OXNAD1: variants seen among roughly 807,000 people sequenced by gnomAD.
OXNAD1 encodes the protein oxidoreductase NAD-binding domain-containing protein 1.
OXNAD1 carries 34 observed loss-of-function variants against 32.9 expected under a neutral mutation model. The ratio of observed to expected loss-of-function variants is 1.03; its 90% CI spans 0.79 to 1.38. The LOEUF is 1.38. OXNAD1 is among the 40% of genes most tolerant of loss of function. The pLI is 0.00. For missense variants in OXNAD1, 407 were observed against 379.4 expected (o/e 1.07, Z -0.60); for synonymous variants, 134 against 135.2 (o/e 0.99, Z 0.06).
rs564972629 is a variant in OXNAD1 at position 16,344,077 on chromosome 3, G to A, written c.*31-5099G>A. 1.1e-4 allele frequency among the ~76,000 whole-genome samples: 17 copies of A among 152,232 alleles called. No homozygotes were observed. The highest frequency in any genetic ancestry group is 4.1e-4 in the African/African-American group (17 of 41,460). Reference sequence around the variant, plus strand: ...AGCCCAGAGCACTTGGAGGGAAGCAGTAGAGACATTCTTGGCCTGTATTAA... The same window carrying A: ...AGCCCAGAGCACTTGGAGGGAAGCAATAGAGACATTCTTGGCCTGTATTAA... On this transcript the variant is annotated intron_variant, in intron 9 of 9. Coordinates refer to the OXNAD1 transcript ENST00000606098. This position sits in a 1 kb window ranked among gnomAD's most constrained non-coding sequence, Gnocchi z 4.4.
rs940498891 is a variant in OXNAD1 at position 16,295,105 on chromosome 3, G to A, written c.432+108G>A. 4.6e-6 allele frequency: 6 copies of A among 1,291,382 alleles called. No homozygotes were observed. In the Admixed American group the frequency reaches 1.3e-4, roughly 29 times the overall value. The allele number at this position is 1,291,382 out of a possible 1,614,324, so 80.0% of individuals were successfully genotyped here. ...TAAGAAACCTGGGCTTGAGTAAAAG[G>A]GTACATGCCCAGAAAGAGCTTCTAA... is the stretch of plus-strand genomic sequence containing the variant. On this transcript the variant is annotated intron_variant, in intron 6 of 8. Transcript: ENST00000285083.
rs928723359 is a variant in OXNAD1, at chr3:16,305,743, C to G, written c.*2181C>G. ...ACCTTGAGCAAGTCACTTAACTGCT[C>G]TATGCCTCATTTAAAATTACATACA... On this transcript the variant is annotated 3_prime_UTR_variant, in exon 9 of 9. Transcript: ENST00000285083. The surrounding 1 kb of genome is among the most constrained non-coding windows in gnomAD (Gnocchi z 4.5). The G allele has an allele frequency of 1.1e-4, 16 of 152,198 alleles. No homozygotes were observed. The highest frequency in any genetic ancestry group is 3.6e-4 in the African/African-American group (15 of 41,444). 9.4% of individuals were successfully genotyped at this position (152,198 alleles called of 1,614,324 possible).
At chr3:16,311,738 C>T (rs1464309348) in intron 9 of OXNAD1, among the ~76,000 whole-genome samples, 2 of 152,036 alleles carry the variant, frequency 1.3e-5, no homozygotes, top group Non-Finnish European at 2.9e-5. Flanking sequence ...CTAGCCTCTG[C>T]AGCATCTCTG....
Position 16,298,268 on chromosome 3 carries a change from A to G in OXNAD1, c.432+3271A>G, listed in dbSNP as rs2066938077. Among the ~76,000 whole-genome samples, 1 of 152,118 alleles carries G rather than the reference A, an allele frequency of 6.6e-6. No homozygotes were observed. The highest frequency in any genetic ancestry group is 1.5e-5 in the Non-Finnish European group (1 of 68,008). On this transcript the variant is annotated intron_variant, in intron 6 of 8. Transcript: ENST00000285083. This position sits in a 1 kb window ranked among gnomAD's most constrained non-coding sequence, Gnocchi z 5.1. ...GGGGTGAGAGCAACGAGGTATCTGC[A>G]TGCCCCTTGCTCAGAGTTGAAATAA...
At chr3:16,274,282 A>G (rs563375051) in intron 4 of OXNAD1, among the ~76,000 whole-genome samples, 6 of 152,202 alleles carry the variant, frequency 3.9e-5, no homozygotes, top group African/African-American at 1.2e-4. Flanking sequence ...TAACTACAGT[A>G]TGTTAAGCTT....
chr3:16,304,169 T>A lies in OXNAD1; in HGVS notation c.*607T>A, dbSNP rs2067384688. ...CTTTCTTGTTAATGAATATCCTAAG[T>A]GTGTATCCTGACTAATTGTTAGTTT... On this transcript the variant is annotated 3_prime_UTR_variant, in exon 9 of 9. Coordinates refer to ENST00000285083, the MANE Select transcript of OXNAD1 (RefSeq NM_138381.5). This position sits in a 1 kb window ranked among gnomAD's most constrained non-coding sequence, Gnocchi z 4.6. 1 of 152,222 alleles carries A rather than the reference T, an allele frequency of 6.6e-6. No homozygotes were observed. Among genetic ancestry groups the A allele is most frequent in the Non-Finnish European group, 1.5e-5 (1 of 68,074 alleles). The allele number at this position is 152,222 out of a possible 1,614,324, so 9.4% of individuals were successfully genotyped here. A position where few individuals can be genotyped will look rare whatever the true frequency, so the allele number is the denominator to read the frequency against.
chr3:16,276,513 CTATT>C, intron 4 of OXNAD1: 1 of 109,986 alleles, frequency 9.1e-6, no homozygotes, highest in Non-Finnish European at 1.7e-5. Flanking sequence ...ATCAATCTTG[CTATT>C]TTTTTTTTTT....
chr3:16,302,784 C>A lies in OXNAD1; in HGVS notation c.784+36C>A. ...TAAAGATATTTTGACTATCTCCATG[C>A]AGTTATTTGATGGACACACCAGTTG... On this transcript the variant is annotated intron_variant, in intron 8 of 8. Transcript: ENST00000285083. This position sits in a 1 kb window ranked among gnomAD's most constrained non-coding sequence, Gnocchi z 4.2. 1 of 1,478,854 alleles carries A rather than the reference C, an allele frequency of 6.8e-7. No individual in the cohort carries two copies. Among genetic ancestry groups the A allele is most frequent in the Non-Finnish European group, 9.4e-7 (1 of 1,063,242 alleles). 91.6% of individuals were successfully genotyped at this position (1,478,854 alleles called of 1,614,324 possible). A position where few individuals can be genotyped will look rare whatever the true frequency, so the allele number is the denominator to read the frequency against.
At chr3:16,300,204 T>G (rs2067080164) in intron 6 of OXNAD1, among the ~76,000 whole-genome samples, 1 of 151,688 alleles carries the variant, frequency 6.6e-6, no homozygotes, top group South Asian at 2.1e-4. Context: ...TACCCATAGG[T>G]TTTTTTTTAA....
chr3:16,341,850 A>T (rs1559838356), downstream of OXNAD1, among the ~76,000 whole-genome samples: 2 of 152,366 alleles, frequency 1.3e-5, no homozygotes, highest in South Asian at 4.1e-4. This position sits in a 1 kb window ranked among gnomAD's most constrained non-coding sequence, Gnocchi z 4.7. Flanking sequence ...AACAGTTTGA[A>T]GAGTATGATA....
At chr3:16,296,453 T>G (rs529996701) in intron 6 of OXNAD1, among the ~76,000 whole-genome samples, 31 of 152,308 alleles carry the variant, frequency 2.0e-4, no homozygotes, top group African/African-American at 7.2e-4. Flanking sequence ...ACAGGATTTT[T>G]TATAGATATG....
At chr3:16,310,881 T>G (rs1466995737), downstream of OXNAD1, among the ~76,000 whole-genome samples, 1 of 150,936 alleles carries the variant, frequency 6.6e-6, no homozygotes, top group South Asian at 2.1e-4. Context: ...TCCCAGCTAC[T>G]CGGCAGGCTG....
intron 9 of OXNAD1, among the ~76,000 whole-genome samples, chr3:16,311,324 A>G (rs1200918838): frequency 0.016 from 2 of 126 alleles, no homozygotes. Context: ...CTTCCCGAGT[A>G]GCTGGGGATT....
In OXNAD1 at chr3:16,312,689, T is replaced by C. The variant is rs2068056439; in HGVS notation, c.*30+9097T>C. On this transcript the variant is annotated intron_variant, in intron 9 of 9. Transcript: ENST00000435829. This position sits in a 1 kb window ranked among gnomAD's most constrained non-coding sequence, Gnocchi z 4.7. Reference sequence around the variant, plus strand: ...ACTGTCTACACCTGAGAGCTATTCCTGAACGATTTTGTGGTTTAGAGAGGG... The same window carrying C: ...ACTGTCTACACCTGAGAGCTATTCCCGAACGATTTTGTGGTTTAGAGAGGG... 6.6e-6 allele frequency among the ~76,000 whole-genome samples: 1 copy of C among 152,232 alleles called. No individual in the cohort carries two copies. Among genetic ancestry groups the C allele is most frequent in the South Asian group, 2.1e-4 (1 of 4,834 alleles).
At position 16,322,110 on chromosome 3, in the gene OXNAD1, T is replaced by G. The variant is rs1244893979; in HGVS notation, c.*31-15002T>G. Among the ~76,000 whole-genome samples the G allele has an allele frequency of 6.6e-6, 1 of 152,246 alleles. No individual in the cohort carries two copies. Among genetic ancestry groups the G allele is most frequent in the Non-Finnish European group, 1.5e-5 (1 of 68,042 alleles). ...AATGCATGCAGTTCCCGTGAGCCTG[T>G]GGCTGAGCTGAAACTGACAGCGCTC... is the stretch of plus-strand genomic sequence containing the variant. On this transcript the variant is annotated intron_variant, in intron 9 of 9. Coordinates refer to the OXNAD1 transcript ENST00000435829. This position sits in a 1 kb window ranked among gnomAD's most constrained non-coding sequence, Gnocchi z 6.2.
Position 16,349,643 on chromosome 3 carries a change from T to C in OXNAD1, c.*498T>C, listed in dbSNP as rs559462070. On this transcript the variant is annotated 3_prime_UTR_variant, in exon 10 of 10. Coordinates refer to the OXNAD1 transcript ENST00000606098. Reference sequence around the variant, plus strand: ...GACAATAAAAATGGGATTATTCAACTCCTATTTTACTTGCTTTTCTACAAG... The same window carrying C: ...GACAATAAAAATGGGATTATTCAACCCCTATTTTACTTGCTTTTCTACAAG... The C allele has an allele frequency of 3.9e-5, 6 of 152,376 alleles. No individual in the cohort carries two copies. The East Asian group carries it at 1.2e-3, about 29-fold the overall frequency. The allele number at this position is 152,376 out of a possible 1,614,324, so 9.4% of individuals were successfully genotyped here.
intron 9 of OXNAD1, chr3:16,326,912 C>T (rs1469493070): frequency 6.5e-7 from 1 of 1,537,746 alleles, no homozygotes; most frequent in Admixed American, 1.7e-5. Context: ...GCTGCTGCTG[C>T]CACAAGCCAA....
chr3:16,318,426 A>C (rs889273796), intron 9 of OXNAD1, among the ~76,000 whole-genome samples: 2 of 152,186 alleles, frequency 1.3e-5, no homozygotes, highest in Non-Finnish European at 2.9e-5. Flanking sequence ...TTGCACCATC[A>C]GTGGGAAATG....
chr3:16,267,543 C>A (rs777639995), intron 1 of OXNAD1, among the ~76,000 whole-genome samples: 17 of 152,156 alleles, frequency 1.1e-4, no homozygotes, highest in Non-Finnish European at 1.9e-4. Context: ...CTTGCTAGTC[C>A]TTCTGCCAGA....
Sources: gnomAD v4.1 joint callset for allele counts (sites outside exome capture counted in the v4.1 genomes callset) on GRCh38, gnomAD v4.1.1 for gene constraint, Gnocchi (gnomAD v3.1) non-coding constraint, MANE v1.5 for transcripts, NCBI Gene and HGNC (gene_info 2026-07-23, HGNC 2026-07-21) for gene names.